The following FOXP2 variants were observed in gnomAD, a reference collection of about 807,000 sequenced individuals.
The protein encoded by FOXP2 is forkhead box P2, also known as forkhead box protein P2.
In FOXP2, 12 loss-of-function variants were observed where a neutral mutation model predicts 115.8. The observed-to-expected ratio is 0.10, with a 90% CI of 0.07 to 0.17. FOXP2 has a LOEUF of 0.17. Among genes scored for constraint, FOXP2 ranks in the 10% least tolerant of loss-of-function variants. The probability of loss-of-function intolerance (pLI) is 1.00; values close to 1 mark genes in which losing one functional copy is unlikely to be tolerated. For missense variants in FOXP2, 629 were observed against 843.5 expected (o/e 0.75, Z 3.15); for synonymous variants, 328 against 297.7 (o/e 1.10, Z -1.05).
chr7:114,089,748 G>A (rs1799505636), intron 1 of FOXP2, among the ~76,000 whole-genome samples: 1 of 151,912 alleles, frequency 6.6e-6, no homozygotes. Context: ...GTAGAAAAAG[G>A]TGAACATTAT....
At chr7:114,331,717 G>A (rs1797720945) in intron 2 of FOXP2, among the ~76,000 whole-genome samples, 1 of 151,352 alleles carries the variant, frequency 6.6e-6, no homozygotes, top group African/African-American at 2.4e-5. Context: ...GCCCAGGCTG[G>A]TGTGCAGTGG....
At chr7:114,375,456 T>C (rs1792116546) in intron 2 of FOXP2, among the ~76,000 whole-genome samples, 1 of 152,168 alleles carries the variant, frequency 6.6e-6, no homozygotes, top group South Asian at 2.1e-4. Flanking sequence ...AACAGTGGCT[T>C]ATCACAATAT....
intron 1 of FOXP2, among the ~76,000 whole-genome samples, chr7:114,174,552 G>T (rs1250417267): frequency 6.6e-6 from 1 of 151,974 alleles, no homozygotes; most frequent in Non-Finnish European, 1.5e-5. Flanking sequence ...GTAATTCACA[G>T]AATAATATAC....
chr7:114,605,630 A>G (rs1803276923), intron 3 of FOXP2, among the ~76,000 whole-genome samples: 1 of 152,130 alleles, frequency 6.6e-6, no homozygotes, highest in South Asian at 2.1e-4. Context: ...CTCGGACGAT[A>G]AGGTTTGGGT....
At chr7:114,535,340 G>C (rs549604838) in intron 3 of FOXP2, among the ~76,000 whole-genome samples, 16 of 150,106 alleles carry the variant, frequency 1.1e-4, no homozygotes, top group Admixed American at 8.0e-4. Flanking sequence ...TTTTCTTGGT[G>C]GGGGGGGAAA....
intron 1 of FOXP2, among the ~76,000 whole-genome samples, chr7:114,139,566 C>G (rs1420743661): frequency 1.3e-5 from 2 of 152,144 alleles, no homozygotes; most frequent in Non-Finnish European, 2.9e-5. Flanking sequence ...GCTGGAATCT[C>G]TACCTCACTA....
chr7:114,190,078 A>T (rs1359137261), intron 1 of FOXP2, among the ~76,000 whole-genome samples: 1 of 152,220 alleles, frequency 6.6e-6, no homozygotes, highest in Non-Finnish European at 1.5e-5. Context: ...AGGAAAAGAT[A>T]TTACTTAAGT....
chr7:114,630,122 T>C, intron 5 of FOXP2, 117 bp downstream of exon 5: 3 of 1,564,210 alleles, frequency 1.9e-6, no homozygotes, highest in Non-Finnish European at 2.6e-6. Context: ...AGTTGCAGTA[T>C]TATATATTTT....
intron 16 of FOXP2, among the ~76,000 whole-genome samples, chr7:114,682,691 G>C (rs1055934163): frequency 3.3e-5 from 5 of 152,056 alleles, no homozygotes; most frequent in African/African-American, 1.2e-4. Context: ...ATGGTCACAA[G>C]AAGAGACTAA....
At chr7:114,132,656 G>A (rs887097678) in intron 1 of FOXP2, among the ~76,000 whole-genome samples, 6 of 149,832 alleles carry the variant, frequency 4.0e-5, no homozygotes, top group Admixed American at 1.3e-4. Context: ...TGGCCAGGAA[G>A]CCCTCACTGA....
chr7:114,221,289 A>G (rs1436178354), intron 1 of FOXP2, among the ~76,000 whole-genome samples: 1 of 152,018 alleles, frequency 6.6e-6, no homozygotes, highest in Non-Finnish European at 1.5e-5. Context: ...TTTTTATTTT[A>G]TGACACAATT....
At chr7:114,662,771 G>A (rs1187676737) in intron 14 of FOXP2, among the ~76,000 whole-genome samples, 4 of 152,064 alleles carry the variant, frequency 2.6e-5, no homozygotes, top group African/African-American at 9.7e-5. Flanking sequence ...TGGCTGGGAA[G>A]TTTGAATTTT....
intron 16 of FOXP2, among the ~76,000 whole-genome samples, chr7:114,679,250 C>T (rs1807947973): frequency 6.6e-6 from 1 of 152,204 alleles, no homozygotes; most frequent in Non-Finnish European, 1.5e-5. Context: ...CAGGCGTGAA[C>T]CACCATGCCC....
chr7:114,688,047 A>T (rs1021243231), intron 16 of FOXP2, among the ~76,000 whole-genome samples: 1 of 151,916 alleles, frequency 6.6e-6, no homozygotes, highest in Admixed American at 6.6e-5. Flanking sequence ...GTTAGTATGG[A>T]TGAAACTGCA....
At chr7:114,619,557 G>T (rs1804127346) in intron 3 of FOXP2, among the ~76,000 whole-genome samples, 1 of 151,998 alleles carries the variant, frequency 6.6e-6, no homozygotes, top group South Asian at 2.1e-4. Flanking sequence ...ATTGGATATG[G>T]TGCTATTTCA....
intron 13 of FOXP2, among the ~76,000 whole-genome samples, chr7:114,660,348 A>G (rs1806799648): frequency 6.6e-6 from 1 of 152,158 alleles, no homozygotes; most frequent in Non-Finnish European, 1.5e-5. Context: ...GACTAAGTGA[A>G]CTGTTTTATT....
chr7:114,235,356 G>A (rs536073378), intron 1 of FOXP2, among the ~76,000 whole-genome samples: 2 of 150,994 alleles, frequency 1.3e-5, no homozygotes, highest in East Asian at 3.9e-4. Context: ...GAGGTAATTT[G>A]TATTTTAACT....
chr7:114,557,494 A>G (rs1272231891), intron 3 of FOXP2, among the ~76,000 whole-genome samples: 1 of 145,480 alleles, frequency 6.9e-6, no homozygotes, highest in East Asian at 2.0e-4. Flanking sequence ...ATATAATAAG[A>G]AGTATTTTTT....
chr7:114,212,571 A>G (rs1482834965), intron 1 of FOXP2, among the ~76,000 whole-genome samples: 1 of 151,966 alleles, frequency 6.6e-6, no homozygotes, highest in Non-Finnish European at 1.5e-5. Context: ...AAAAAAAAAC[A>G]AGGAGTTTGA....
Sources: gnomAD v4.1 joint callset for allele counts (sites outside exome capture counted in the v4.1 genomes callset) on GRCh38, gnomAD v4.1.1 for gene constraint, MANE v1.5 for transcripts, NCBI Gene and HGNC (gene_info 2026-07-23, HGNC 2026-07-21) for gene names.